LIMCH1: variants seen among roughly 807,000 people sequenced by gnomAD.
LIMCH1 encodes LIM and calponin homology domains-containing protein 1.
Under a neutral mutation model 176.5 loss-of-function variants are expected in LIMCH1, and 113 were observed. The ratio of observed to expected loss-of-function variants is 0.64; its 90% CI spans 0.55 to 0.75. The LOEUF (loss-of-function observed/expected upper bound fraction) is 0.75. LIMCH1 is among the 30% of genes least tolerant of loss of function. The probability of loss-of-function intolerance (pLI) is 0.00; values close to 1 mark genes in which losing one functional copy is unlikely to be tolerated. For synonymous variants in LIMCH1, 619 were observed against 645.9 expected (o/e 0.96, Z 0.63); for missense variants, 1,674 against 1,814.9 (o/e 0.92, Z 1.41).
chr4:41,499,471 C>A (rs975680963), intron 2 of LIMCH1, among the ~76,000 whole-genome samples: 1 of 152,150 alleles, frequency 6.6e-6, no homozygotes, highest in Non-Finnish European at 1.5e-5. Context: ...AAGCATAGTC[C>A]AGAATTAAAT....
intron 4 of LIMCH1, chr4:41,612,287 G>T: frequency 7.4e-6 from 3 of 407,520 alleles, no homozygotes; most frequent in South Asian, 5.1e-5. Context: ...TGGCTCCCGT[G>T]GGCATCCTAG....
chr4:41,490,655 A>G (rs892823748), intron 1 of LIMCH1, among the ~76,000 whole-genome samples: 1 of 152,246 alleles, frequency 6.6e-6, no homozygotes, highest in Admixed American at 6.5e-5. Context: ...ACAGAACAAA[A>G]TGGAGTCTCC....
chr4:41,677,618 T>G (rs927637154), intron 23 of LIMCH1, among the ~76,000 whole-genome samples: 3 of 152,196 alleles, frequency 2.0e-5, no homozygotes, highest in African/African-American at 7.2e-5. Context: ...GAACTGAGGT[T>G]AGTGCTTGAC....
At chr4:41,568,227 G>A (rs1027587115) in intron 1 of LIMCH1, among the ~76,000 whole-genome samples, 2 of 152,178 alleles carry the variant, frequency 1.3e-5, no homozygotes, top group Admixed American at 6.5e-5. Flanking sequence ...ATGGTCAATA[G>A]GATCCAGTAT....
At chr4:41,677,449 A>G (rs562154003) in intron 23 of LIMCH1, among the ~76,000 whole-genome samples, 11 of 152,284 alleles carry the variant, frequency 7.2e-5, no homozygotes, top group African/African-American at 2.4e-4. Context: ...TGTTTGCTCT[A>G]CCTTTGGGTA....
At chr4:41,417,107 TTATCTA>T (rs2060010582) in intron 1 of LIMCH1, among the ~76,000 whole-genome samples, 4 of 94,432 alleles carry the variant, frequency 4.2e-5, no homozygotes, top group Non-Finnish European at 2.1e-5. Context: ...TTGTGAGGGG[TTATCTA>T]TGCTATAGGC....
intron 1 of LIMCH1, among the ~76,000 whole-genome samples, chr4:41,561,647 A>G (rs2082082494): frequency 6.6e-6 from 1 of 152,152 alleles, no homozygotes; most frequent in African/African-American, 2.4e-5. Flanking sequence ...TCTTCAGTTC[A>G]TATTCTTGGG....
At chr4:41,394,311 T>C (rs1012607804) in intron 1 of LIMCH1, among the ~76,000 whole-genome samples, 1 of 152,192 alleles carries the variant, frequency 6.6e-6, no homozygotes, top group Non-Finnish European at 1.5e-5. Context: ...GTTAGATTCT[T>C]GGGTTACACT....
intron 1 of LIMCH1, among the ~76,000 whole-genome samples, chr4:41,378,209 A>T (rs1311613655): frequency 6.6e-6 from 1 of 152,196 alleles, no homozygotes; most frequent in Admixed American, 6.5e-5. Context: ...AAGAAGACAC[A>T]CTGGGTCACA....
chr4:41,534,344 A>G (rs2077647590), upstream of LIMCH1, among the ~76,000 whole-genome samples: 1 of 152,248 alleles, frequency 6.6e-6, no homozygotes, highest in Admixed American at 6.5e-5. Flanking sequence ...AATGAAAAAA[A>G]TGCATCTTTA....
chr4:41,529,525 A>G (rs1436083347), intron 3 of LIMCH1, among the ~76,000 whole-genome samples: 1 of 152,200 alleles, frequency 6.6e-6, no homozygotes, highest in Admixed American at 6.6e-5. Flanking sequence ...AGGACATCTT[A>G]GATGTGTTTG....
rs537161534 is a variant in LIMCH1, at chr4:41,431,540, A to G, written c.97-62996A>G. ...ACTGGTTTTTAAAGAACTTCATTAC[A>G]TTTTATCTCATGGGACTACATCAAG... On this transcript the variant is annotated intron_variant, in intron 1 of 26. Coordinates refer to the LIMCH1 transcript ENST00000313860. Among the ~76,000 whole-genome samples the G allele has an allele frequency of 2.6e-5, 4 of 152,350 alleles. No individual in the cohort carries two copies. In the East Asian group the frequency reaches 5.8e-4, roughly 22 times the overall value.
At chr4:41,526,912 T>TATA (rs2152423057) in intron 3 of LIMCH1, among the ~76,000 whole-genome samples, 1 of 152,350 alleles carries the variant, frequency 6.6e-6, no homozygotes, top group East Asian at 1.9e-4. Flanking sequence ...CCTCATCTCT[T>TATA]GCCTGGACTA....
At chr4:41,669,775 G>T (rs1196114449) in intron 21 of LIMCH1, among the ~76,000 whole-genome samples, 1 of 152,136 alleles carries the variant, frequency 6.6e-6, no homozygotes. Flanking sequence ...GGGAAATGGG[G>T]GAGGCATAGG....
At chr4:41,404,039 A>G (rs1394315943) in intron 1 of LIMCH1, among the ~76,000 whole-genome samples, 2 of 152,252 alleles carry the variant, frequency 1.3e-5, no homozygotes, top group Non-Finnish European at 2.9e-5. Context: ...TTTTATATGC[A>G]TAATAGTGCA....
chr4:41,457,639 T>G (rs1053862051), intron 1 of LIMCH1, among the ~76,000 whole-genome samples: 1 of 152,170 alleles, frequency 6.6e-6, no homozygotes, highest in African/African-American at 2.4e-5. Flanking sequence ...AGTTAGAACG[T>G]AGGCAGTGTG....
At chr4:41,485,626 T>C (rs905462991) in intron 1 of LIMCH1, among the ~76,000 whole-genome samples, 2 of 152,194 alleles carry the variant, frequency 1.3e-5, no homozygotes, top group African/African-American at 4.8e-5. Flanking sequence ...TTTTTGTCCG[T>C]GCATGCCCAT....
chr4:41,646,718 C>A lies in LIMCH1; in HGVS notation c.2645C>A (p.Pro882His). The A allele has an allele frequency of 6.2e-7, 1 of 1,614,182 alleles. No individual in the cohort carries two copies. The highest frequency in any genetic ancestry group is 8.5e-7 in the Non-Finnish European group (1 of 1,180,034). Residue 882 changes from proline (P) to histidine (H), a missense_variant, in exon 17 of 32, where the codon CCC becomes CAC. By Grantham distance (77) the Pro-to-His change is moderately conservative (BLOSUM62 -2). Around this residue, in one of 3 missense-constraint regions of LIMCH1, gnomAD observed 1,015 missense variants for 1,102.5 expected, o/e 0.92. Transcript: ENST00000503057. ...CTGCGGCAACAGTCACTGCCTCCAC[C>A]CAAATTCACTGCCACTGTTGAAACC... ...KYLRQQSLPP[P>H]KFTATVETTI...
rs1324770043 is a variant in LIMCH1 at position 41,600,018 on chromosome 4, G to T, written c.-134+992G>T. Reference sequence around the variant, plus strand: ...GCTTGATTTTTTATTTTTTAAAAAGGATGAGGAAAAATAGGAAAAAAATGA... The same window carrying T: ...GCTTGATTTTTTATTTTTTAAAAAGTATGAGGAAAAATAGGAAAAAAATGA... On this transcript the variant is annotated intron_variant, in intron 2 of 31. Transcript: ENST00000503057. Among the ~76,000 whole-genome samples, 4 of 151,806 alleles carry T rather than the reference G, an allele frequency of 2.6e-5. No individual in the cohort carries two copies. The South Asian group carries it at 8.3e-4, about 32-fold the overall frequency.
Sources: allele counts gnomAD v4.1 joint callset (sites outside exome capture counted in the v4.1 genomes callset), GRCh38; gene constraint gnomAD v4.1.1; regional missense constraint gnomAD v4.1.1; transcripts MANE v1.5; gene names NCBI Gene and HGNC (gene_info 2026-07-23, HGNC 2026-07-21).